Variants in PTCHD1 observed in about 807,000 individuals in gnomAD.
PTCHD1 encodes patched domain-containing protein 1.
PTCHD1 carries 3 observed loss-of-function variants against 34.6 expected under a neutral mutation model. The observed-to-expected ratio is 0.09, with a 90% CI of 0.04 to 0.22. The LOEUF is 0.22. Among genes scored for constraint, PTCHD1 ranks in the 10% least tolerant of loss-of-function variants. The probability of loss-of-function intolerance (pLI) is 1.00; values close to 1 mark genes in which losing one functional copy is unlikely to be tolerated. For missense variants in PTCHD1, 504 were observed against 685.5 expected (o/e 0.74, Z 2.96); for synonymous variants, 305 against 283.1 (o/e 1.08, Z -0.77).
rs780044822 is a variant in PTCHD1 at position 23,392,836 on chromosome X, T to A, written c.1318T>A (p.Phe440Ile). The A allele has an allele frequency of 5.0e-6, 6 of 1,210,743 alleles. No homozygotes were observed. The African/African-American group carries it at 1.0e-4, about 21-fold the overall frequency. ...YIENNYQHSI[F>I]CRKVPKPEAL... ...AGAAAACAATTACCAGCATAGTATC[T>A]TCTGTAGAAAAGTCCCAAAGCCTGA... The change falls in exon 3 of 3, where the codon TTC becomes ATC. Residue 440 changes from phenylalanine (F) to isoleucine (I), a missense_variant. By Grantham distance (21) the Phe-to-Ile change is conservative. Transcript: ENST00000379361.
At chrX:23,388,050 A>G (rs1922728702) in intron 2 of PTCHD1, among the ~76,000 whole-genome samples, 1 of 110,857 alleles carries the variant, frequency 9.0e-6, no homozygotes, top group East Asian at 2.8e-4. Context: ...GGTTCCTGAT[A>G]TCCTCACTGT....
At chrX:23,344,895 C>T (rs980365639) in intron 1 of PTCHD1, among the ~76,000 whole-genome samples, 3 of 111,819 alleles carry the variant, frequency 2.7e-5, no homozygotes, top group African/African-American at 6.5e-5. Context: ...TAGGTGAGAA[C>T]GTTGATCATT....
intron 1 of PTCHD1, among the ~76,000 whole-genome samples, chrX:23,354,496 AAT>A (rs142123920): frequency 0.051 from 4,851 of 95,637 alleles, 224 homozygotes; most frequent in African/African-American, 0.13. Flanking sequence ...GAAGTACACA[AAT>A]ATATATATAT....
At position 23,398,815 on chromosome X, in the gene PTCHD1, G is replaced by A. The variant is rs150840243; in HGVS notation, c.*4630G>A. The A allele has an allele frequency of 0.064, 7,029 of 110,249 alleles. 253 individuals carry two copies. Among genetic ancestry groups the A allele is most frequent in the Non-Finnish European group, 0.095 (5,034 of 52,816 alleles). The allele number at this position is 110,249 out of a possible 1,213,427, so 9.1% of individuals were successfully genotyped here. A position where few individuals can be genotyped will look rare whatever the true frequency, so the allele number is the denominator to read the frequency against. Reference sequence around the variant, plus strand: ...CCGTTCACCTGAATAGGCAGTGCCAGGATGTCCCCCCCAGCTTGCCTCTCA... The same window carrying A: ...CCGTTCACCTGAATAGGCAGTGCCAAGATGTCCCCCCCAGCTTGCCTCTCA... On this transcript the variant is annotated 3_prime_UTR_variant, in exon 3 of 3. Transcript: ENST00000379361.
rs182597435 is a variant in PTCHD1 at position 23,370,466 on chromosome X, T to C, written c.352-9125T>C. Among the ~76,000 whole-genome samples, 6 of 112,373 alleles carry C rather than the reference T, an allele frequency of 5.3e-5. No homozygotes were observed. In the East Asian group the frequency reaches 1.7e-3, roughly 31 times the overall value. ...ATGCTCCTGTGATTTTTAAGGGCAG[T>C]AGCTTTGTATGAGAACCTTGAGAAC... On this transcript the variant is annotated intron_variant, in intron 1 of 2. Transcript: ENST00000379361.
At chrX:23,336,181 A>G (rs1049212086) in intron 1 of PTCHD1, among the ~76,000 whole-genome samples, 1 of 112,212 alleles carries the variant, frequency 8.9e-6, no homozygotes, top group African/African-American at 3.2e-5. Context: ...GAACTTCCTA[A>G]GAAAAGCAGA....
At position 23,379,822 on chromosome X, in the gene PTCHD1, G is replaced by A. The variant is rs769407241; in HGVS notation, c.583G>A (p.Val195Ile). The A allele has an allele frequency of 5.1e-5, 62 of 1,211,494 alleles. No homozygotes were observed. The highest frequency in any genetic ancestry group is 6.5e-5 in the Non-Finnish European group (58 of 895,413). Residue 195 changes from valine (V) to isoleucine (I), a missense_variant, in exon 2 of 3, where the codon GTC becomes ATC. Transcript: ENST00000379361. ...GTACAATGGGCACCAGCTTGGGGGC[G>A]TCACTGTGCACAGCAAAGACCGGGT... is the stretch of plus-strand genomic sequence containing the variant. ...AVYNGHQLGG[V>I]TVHSKDRVKS...
At chrX:23,339,045 G>A (rs979418361) in intron 1 of PTCHD1, among the ~76,000 whole-genome samples, 1 of 111,609 alleles carries the variant, frequency 9.0e-6, no homozygotes, top group African/African-American at 3.3e-5. Context: ...TCCTGATTGA[G>A]TGCTGCTCAT....
rs764467063 is a variant in PTCHD1 at position 23,373,691 on chromosome X, C to T, written c.352-5900C>T. Among the ~76,000 whole-genome samples, 4 of 112,053 alleles carry T rather than the reference C, an allele frequency of 3.6e-5. No homozygotes were observed. The South Asian group carries it at 1.5e-3, about 42-fold the overall frequency. The stretch of plus-strand genomic sequence containing the variant: ...AAGACAGAACATAACACCAAGGGAG[C>T]TAGCGTAATTTATGAACTGCTGCAG... On this transcript the variant is annotated intron_variant, in intron 1 of 2. Transcript: ENST00000379361.
chrX:23,357,707 C>A (rs764510380), intron 1 of PTCHD1, among the ~76,000 whole-genome samples: 12 of 111,288 alleles, frequency 1.1e-4, no homozygotes, highest in African/African-American at 3.9e-4. Flanking sequence ...ATATGCACAA[C>A]GTGCAGGCTA....
At chrX:23,349,776 A>G in intron 1 of PTCHD1, among the ~76,000 whole-genome samples, 1 of 111,010 alleles carries the variant, frequency 9.0e-6, no homozygotes, top group East Asian at 2.8e-4. Context: ...GGCAGAAAAT[A>G]ATTAAGGATA....
At chrX:23,364,371 G>GAC (rs200572986) in intron 1 of PTCHD1, among the ~76,000 whole-genome samples, 14,697 of 91,762 alleles carry the variant, frequency 0.16, 1,061 homozygotes, top group East Asian at 0.23. Context: ...GAAGAGTGTA[G>GAC]ACACACACAC....
At chrX:23,354,659 G>A (rs141297440) in intron 1 of PTCHD1, among the ~76,000 whole-genome samples, 1,696 of 101,296 alleles carry the variant, frequency 0.017, 98 homozygotes, top group Admixed American at 0.12. Context: ...TGCAACCTCC[G>A]CCTCCCAGGT....
chrX:23,342,317 TTTTTTTTTTTTTTTTA>T (rs1921360593), intron 1 of PTCHD1, among the ~76,000 whole-genome samples: 3 of 28,234 alleles, frequency 1.1e-4, no homozygotes, highest in African/African-American at 1.9e-3. Context: ...TATATTTTTT[TTTTTTTTTTTTTTTTA>T]AAAGAATTGG....
At chrX:23,340,799 C>A (rs1921288951) in intron 1 of PTCHD1, among the ~76,000 whole-genome samples, 1 of 112,216 alleles carries the variant, frequency 8.9e-6, no homozygotes, top group South Asian at 3.7e-4. Flanking sequence ...GCAGTCCAGT[C>A]TCTTCTGGTG....
intron 2 of PTCHD1, among the ~76,000 whole-genome samples, chrX:23,388,096 C>T (rs775550041): frequency 8.1e-5 from 9 of 110,877 alleles, no homozygotes; most frequent in African/African-American, 2.0e-4. Flanking sequence ...TCTCAGGCTG[C>T]GACCTGGCCC....
At chrX:23,360,346 G>A (rs1276075535) in intron 1 of PTCHD1, among the ~76,000 whole-genome samples, 2 of 111,570 alleles carry the variant, frequency 1.8e-5, no homozygotes, top group African/African-American at 6.5e-5. Context: ...GGTCTATTCA[G>A]GGATTCAACT....
chrX:23,350,064 A>T (rs1921586596), intron 1 of PTCHD1, among the ~76,000 whole-genome samples: 1 of 80,053 alleles, frequency 1.2e-5, no homozygotes, highest in African/African-American at 5.0e-5. Context: ...TGCTGTTAAA[A>T]AAAAAAAAAA....
intron 1 of PTCHD1, among the ~76,000 whole-genome samples, chrX:23,367,664 G>T (rs1922183169): frequency 9.0e-6 from 1 of 111,518 alleles, no homozygotes; most frequent in Admixed American, 9.6e-5. Flanking sequence ...TGACGTGGAA[G>T]GAAGTTGCAA....
Sources: gnomAD v4.1 joint callset for allele counts (sites outside exome capture counted in the v4.1 genomes callset) on GRCh38, gnomAD v4.1.1 for gene constraint, MANE v1.5 for transcripts, NCBI Gene and HGNC (gene_info 2026-07-23, HGNC 2026-07-21) for gene names.